ROBO2: variants seen among roughly 807,000 people sequenced by gnomAD.
The protein encoded by ROBO2 is roundabout guidance receptor 2, also known as roundabout homolog 2.
A neutral mutation model predicts 160.8 loss-of-function variants in ROBO2; 53 were observed. The observed-to-expected ratio is 0.33, with a 90% CI of 0.26 to 0.41. The LOEUF is 0.41. Ranked by LOEUF, ROBO2 falls within the 10% of genes least tolerant of loss-of-function variation. ROBO2 has a pLI of 1.00. For synonymous variants in ROBO2, 664 were observed against 611.7 expected (o/e 1.09, Z -1.26); for missense variants, 1,577 against 1,722.4 (o/e 0.92, Z 1.49).
intron 2 of ROBO2, among the ~76,000 whole-genome samples, chr3:76,805,289 A>T (rs73841629): frequency 1.3e-5 from 2 of 151,966 alleles, no homozygotes; most frequent in African/African-American, 4.8e-5. Flanking sequence ...TTCCAAGTGC[A>T]AGTTCCACTT....
At chr3:77,092,925 AAATG>A (rs1184919552) in intron 1 of ROBO2, among the ~76,000 whole-genome samples, 1 of 151,860 alleles carries the variant, frequency 6.6e-6, no homozygotes, top group African/African-American at 2.4e-5. Flanking sequence ...TTTAAATTAA[AAATG>A]AACTTTGTAA....
chr3:77,512,613 C>A (rs1391717918), intron 5 of ROBO2, among the ~76,000 whole-genome samples: 1 of 151,880 alleles, frequency 6.6e-6, no homozygotes, highest in Non-Finnish European at 1.5e-5. Context: ...CCTAAAAATT[C>A]TTCTGTTGAA....
chr3:76,949,800 G>T (rs2149169654), intron 2 of ROBO2, among the ~76,000 whole-genome samples: 1 of 152,344 alleles, frequency 6.6e-6, no homozygotes, highest in African/African-American at 2.4e-5. Flanking sequence ...TTAGGAGGTT[G>T]AGGAGGGAGT....
intron 2 of ROBO2, among the ~76,000 whole-genome samples, chr3:77,462,082 A>G (rs2082304388): frequency 6.6e-6 from 1 of 152,222 alleles, no homozygotes; most frequent in African/African-American, 2.4e-5. Context: ...TGAGAGAGAA[A>G]AATAACTTTT....
At chr3:77,252,283 A>G (rs1319497064) in intron 2 of ROBO2, among the ~76,000 whole-genome samples, 2 of 152,174 alleles carry the variant, frequency 1.3e-5, no homozygotes, top group Non-Finnish European at 2.9e-5. Context: ...TTGAATATTC[A>G]TATTTCCAGC....
rs141451376 is a variant in ROBO2 at position 76,110,431 on chromosome 3, CAT to C, written c.109+172830_109+172831del. Among the ~76,000 whole-genome samples, 302 of 152,206 alleles carry C rather than the reference CAT, an allele frequency of 2.0e-3. 1 individual carries two copies. Among genetic ancestry groups the C allele is most frequent in the African/African-American group, 6.6e-3 (273 of 41,534 alleles). ...TTAGAATCCATATGCTTAATAATCACATGAGGCCTAATTATTGTTTAGCACAT... is the reference window on the plus strand; with the variant it reads ...TTAGAATCCATATGCTTAATAATCACGAGGCCTAATTATTGTTTAGCACAT... On this transcript the variant is annotated intron_variant, in intron 2 of 26. Transcript: ENST00000487694.
rs553067697 is a variant in ROBO2, at chr3:77,322,543, A to G, written c.389-154871A>G. Among the ~76,000 whole-genome samples the G allele has an allele frequency of 5.9e-5, 9 of 151,974 alleles. 1 individual carries two copies. The South Asian group carries it at 1.9e-3, about 32-fold the overall frequency. ...GGAACATGATACAAGCTCAGAAAAA[A>G]TGCAGCAAATTGATGACTAAGACCT... On this transcript the variant is annotated intron_variant, in intron 2 of 25. Transcript: ENST00000461745.
intron 2 of ROBO2, among the ~76,000 whole-genome samples, chr3:77,372,248 C>T (rs9855316): frequency 0.4 from 60,424 of 151,624 alleles, 12,915 homozygotes; most frequent in East Asian, 0.72. Flanking sequence ...AAAAAGTGTC[C>T]GGTTTAGGCA....
chr3:77,052,997 G>T (rs1440454987), intron 1 of ROBO2, among the ~76,000 whole-genome samples: 2 of 152,264 alleles, frequency 1.3e-5, no homozygotes, highest in Admixed American at 6.5e-5. Context: ...CTGTATGTTT[G>T]TATCTATAGG....
At chr3:76,737,501 A>T (rs1280946520) in intron 2 of ROBO2, among the ~76,000 whole-genome samples, 6 of 152,246 alleles carry the variant, frequency 3.9e-5, no homozygotes, top group Non-Finnish European at 7.3e-5. Context: ...TTGACCAGCC[A>T]CAAAAGGCCT....
chr3:76,383,246 T>G (rs1344214335), intron 2 of ROBO2, among the ~76,000 whole-genome samples: 1 of 152,252 alleles, frequency 6.6e-6, no homozygotes, highest in Admixed American at 6.5e-5. Context: ...TAATAGATGT[T>G]GGAACACAAA....
In ROBO2 at chr3:76,948,997, C is replaced by T. The variant is rs570235955; in HGVS notation, c.110-149017C>T. On this transcript the variant is annotated intron_variant, in intron 2 of 26. Coordinates refer to the ROBO2 transcript ENST00000487694. ...ACCTCCTGACCTGAGGTGATCCACC[C>T]GCCTCGGCCTCCCAAAGTGCTGGGA... Among the ~76,000 whole-genome samples, 724 of 145,390 alleles carry T rather than the reference C, an allele frequency of 5.0e-3. 4 individuals carry two copies. Among genetic ancestry groups the T allele is most frequent in the African/African-American group, 0.017 (652 of 38,788 alleles).
intron 2 of ROBO2, among the ~76,000 whole-genome samples, chr3:77,214,122 T>C (rs557124443): frequency 1.5e-4 from 23 of 152,210 alleles, no homozygotes; most frequent in African/African-American, 5.3e-4. Flanking sequence ...GAGTTCAGTT[T>C]CTGGATATCC....
At chr3:76,734,013 T>C (rs1463717492) in intron 2 of ROBO2, among the ~76,000 whole-genome samples, 2 of 152,160 alleles carry the variant, frequency 1.3e-5, no homozygotes, top group Admixed American at 6.6e-5. Flanking sequence ...AGAGGGCATC[T>C]TTCCCATGTC....
chr3:76,651,265 G>A (rs975306501), intron 2 of ROBO2, among the ~76,000 whole-genome samples: 2 of 151,972 alleles, frequency 1.3e-5, no homozygotes, highest in African/African-American at 2.4e-5. Context: ...GAAGTTCCAG[G>A]GTTCTAGCTC....
chr3:76,859,675 C>T lies in ROBO2; in HGVS notation c.110-238339C>T, dbSNP rs151240630. On this transcript the variant is annotated intron_variant, in intron 2 of 26. Coordinates refer to the ROBO2 transcript ENST00000487694. Reference sequence around the variant, plus strand: ...GGGGAAAGCAAAAAGATTCCCATAACTGAACTGAAGCTTTCTCAGCCACAA... The same window carrying T: ...GGGGAAAGCAAAAAGATTCCCATAATTGAACTGAAGCTTTCTCAGCCACAA... Among the ~76,000 whole-genome samples, 804 of 152,334 alleles carry T rather than the reference C, an allele frequency of 5.3e-3. 10 individuals carry two copies. Among genetic ancestry groups the T allele is most frequent in the African/African-American group, 0.018 (761 of 41,574 alleles).
At chr3:76,770,892 C>T (rs1037570748) in intron 2 of ROBO2, among the ~76,000 whole-genome samples, 14 of 151,158 alleles carry the variant, frequency 9.3e-5, no homozygotes, top group African/African-American at 2.4e-4. Context: ...AAGGATGCTC[C>T]GATACTTCCT....
intron 2 of ROBO2, among the ~76,000 whole-genome samples, chr3:76,500,131 T>A (rs1270345299): frequency 6.6e-6 from 1 of 152,188 alleles, no homozygotes; most frequent in Non-Finnish European, 1.5e-5. Context: ...TAATTAATTT[T>A]TTTATTAGAG....
intron 2 of ROBO2, among the ~76,000 whole-genome samples, chr3:77,294,566 T>C (rs1447182421): frequency 7.1e-6 from 1 of 141,776 alleles, no homozygotes; most frequent in East Asian, 2.1e-4. Context: ...TAAAGTAAAA[T>C]TGACGGTTAA....
Sources: gnomAD v4.1 joint callset for allele counts (sites outside exome capture counted in the v4.1 genomes callset) on GRCh38, gnomAD v4.1.1 for gene constraint, MANE v1.5 for transcripts, NCBI Gene and HGNC (gene_info 2026-07-23, HGNC 2026-07-21) for gene names.